The following ARL5C variants were observed in gnomAD, a reference collection of about 807,000 sequenced individuals.
ARL5C encodes the protein putative ADP-ribosylation factor-like protein 5C.
A neutral mutation model predicts 20.8 loss-of-function variants in ARL5C; 21 were observed. That is an observed-to-expected ratio of 1.01 (90% CI 0.72 to 1.46). The LOEUF is 1.46. Ranked by LOEUF, ARL5C falls within the 40% of genes most tolerant of loss-of-function variation. The probability of loss-of-function intolerance (pLI) is 0.00; values close to 1 mark genes in which losing one functional copy is unlikely to be tolerated. For synonymous variants in ARL5C, 71 were observed against 81.6 expected (o/e 0.87, Z 0.70); for missense variants, 199 against 225.1 (o/e 0.88, Z 0.74).
At position 39,166,001 on chromosome 17, in the gene ARL5C, A is replaced by G. The variant is rs1443186537; in HGVS notation, c.-241T>C. The G allele has an allele frequency of 3.6e-6, 2 of 551,190 alleles. No homozygotes were observed. The highest frequency in any genetic ancestry group is 6.5e-6 in the Non-Finnish European group (2 of 307,738). 34.1% of individuals were successfully genotyped at this position (551,190 alleles called of 1,614,324 possible). On this transcript the variant is annotated 5_prime_UTR_variant, in exon 1 of 6. Transcript: ENST00000269586. Reference sequence around the variant, plus strand: ...CCCGGGCCCAAGAGGTGCAAGGAATATGGGGGTTCCAGGCTCCAGCCCTCC... The same window carrying G: ...CCCGGGCCCAAGAGGTGCAAGGAATGTGGGGGTTCCAGGCTCCAGCCCTCC...
rs145259477 is a variant in ARL5C, at chr17:39,159,021, T to G, written c.491+1570A>C. Among the ~76,000 whole-genome samples, 787 of 114,350 alleles carry G rather than the reference T, an allele frequency of 6.9e-3. 9 individuals carry two copies. Among genetic ancestry groups the G allele is most frequent in the African/African-American group, 0.031 (752 of 23,888 alleles). The allele number at this position is 114,350 out of a possible 152,430, so 75.0% of individuals were successfully genotyped here. A position where few individuals can be genotyped will look rare whatever the true frequency, so the allele number is the denominator to read the frequency against. The stretch of plus-strand genomic sequence containing the variant: ...TTTATTCACCTTATCATTTATCACT[T>G]GTTTTTTTTTTTTTTTTTTTTTTTT... On this transcript the variant is annotated intron_variant, in intron 5 of 5. Coordinates refer to ENST00000269586, the MANE Select transcript of ARL5C (RefSeq NM_001143968.1).
chr17:39,165,433 C>G, intron 1 of ARL5C: 1 of 589,478 alleles, frequency 1.7e-6, no homozygotes, highest in Non-Finnish European at 3.0e-6. Context: ...CGCGAAGTCA[C>G]AATCGCAGGA....
Position 39,165,856 on chromosome 17 carries a change from G to C in ARL5C, c.-96C>G. Reference sequence around the variant, plus strand: ...GAGCTCCGCTCCCCCGGGAGGGTCTGGCAGATTTTGCCTACGAAGTTAGGG... The same window carrying C: ...GAGCTCCGCTCCCCCGGGAGGGTCTCGCAGATTTTGCCTACGAAGTTAGGG... On this transcript the variant is annotated 5_prime_UTR_variant, in exon 1 of 6. Transcript: ENST00000269586. 1 of 1,445,194 alleles carries C rather than the reference G, an allele frequency of 6.9e-7. No homozygotes were observed. The allele number at this position is 1,445,194 out of a possible 1,614,324, so 89.5% of individuals were successfully genotyped here.
chr17:39,163,505 G>T (rs1202243818), intron 2 of ARL5C, among the ~76,000 whole-genome samples: 1 of 150,918 alleles, frequency 6.6e-6, no homozygotes, highest in Non-Finnish European at 1.5e-5. Context: ...CAATTCTCCC[G>T]CCTCGGCCTC....
chr17:39,160,413 G>C, intron 5 of ARL5C, 178 bp downstream of exon 5: 1 of 637,834 alleles, frequency 1.6e-6, no homozygotes, highest in East Asian at 2.9e-5. Context: ...GAGCAGGGAT[G>C]CTGTCTGCTT....
rs937351493 is a variant in ARL5C, at chr17:39,166,118, C to T, written c.-358G>A. Reference sequence around the variant, plus strand: ...CTCAGCACTGCGCGCGGAACCGGATCCCAGCTCTCCCTCCTCTGAGTGCCA... The same window carrying T: ...CTCAGCACTGCGCGCGGAACCGGATTCCAGCTCTCCCTCCTCTGAGTGCCA... On this transcript the variant is annotated 5_prime_UTR_variant, in exon 1 of 6. Transcript: ENST00000269586. 4.0e-5 allele frequency: 12 copies of T among 298,550 alleles called. No individual in the cohort carries two copies. Among genetic ancestry groups the T allele is most frequent in the Non-Finnish European group, 6.5e-5 (10 of 154,396 alleles). 18.5% of individuals were successfully genotyped at this position (298,550 alleles called of 1,614,324 possible).
At chr17:39,156,979 C>G in intron 5 of ARL5C, 37 bp from the exon 6 acceptor site, 1 of 1,550,594 alleles carries the variant, frequency 6.4e-7, no homozygotes, top group Non-Finnish European at 8.7e-7. Context: ...TCAGCCTAAC[C>G]CAAGAGAATG....
At chr17:39,157,638 A>G (rs1176411505) in intron 5 of ARL5C, among the ~76,000 whole-genome samples, 3 of 151,884 alleles carry the variant, frequency 2.0e-5, no homozygotes, top group African/African-American at 7.3e-5. Flanking sequence ...AGAAATACAA[A>G]AATCAACTGG....
downstream of ARL5C, chr17:39,156,750 G>T: frequency 2.1e-6 from 2 of 966,658 alleles, no homozygotes; most frequent in Non-Finnish European, 3.1e-6. Context: ...GCAACGGGTT[G>T]GGAGAATGGT....
At chr17:39,161,172 TG>T in intron 4 of ARL5C, 95 bp downstream of exon 4, 2 of 1,208,712 alleles carry the variant, frequency 1.7e-6, no homozygotes, top group Non-Finnish European at 2.4e-6. Context: ...TCTCAGAAAC[TG>T]GGACAGCAGG....
Position 39,156,917 on chromosome 17 carries a change from C to T in ARL5C, c.517G>A (p.Glu173Lys). Residue 173 changes from glutamate to lysine, a missense_variant, in exon 6 of 6, where the codon GAA (glutamate) becomes AAA (lysine). Physicochemically the swap from Glu to Lys is moderately conservative, Grantham distance 56. Coordinates refer to ENST00000269586, the MANE Select transcript of ARL5C (RefSeq NM_001143968.1). ...EGLPARLQWM[E>K]SQAAAN The stretch of plus-strand genomic sequence containing the variant: ...CATCAGTTAGCAGCGGCCTGAGATT[C>T]CATCCACTGAAGTCTGGCAGGCAGC... 1.3e-6 allele frequency: 2 copies of T among 1,551,870 alleles called. No individual in the cohort carries two copies. The highest frequency in any genetic ancestry group is 1.7e-6 in the Non-Finnish European group (2 of 1,146,982).
intron 2 of ARL5C, among the ~76,000 whole-genome samples, chr17:39,163,392 T>TTCTTTCTTTCTTTCTTTCTTTCTC (rs1555576164): frequency 3.6e-5 from 5 of 139,904 alleles, no homozygotes; most frequent in Non-Finnish European, 7.4e-5. Context: ...CTTTCTTTCT[T>TTCTTTCTTTCTTTCTTTCTTTCTC]TCTCTCTTTC....
chr17:39,161,788 A>G (rs2045436648), intron 3 of ARL5C, among the ~76,000 whole-genome samples: 1 of 152,132 alleles, frequency 6.6e-6, no homozygotes, highest in Non-Finnish European at 1.5e-5. Flanking sequence ...TGCTGGGATT[A>G]CCACCAGGTG....
downstream of ARL5C, chr17:39,156,823 A>T: frequency 6.6e-7 from 1 of 1,517,388 alleles, no homozygotes; most frequent in East Asian, 2.5e-5. Flanking sequence ...AGTAATAAAT[A>T]GCCACTTGAT....
chr17:39,157,567 A>G (rs906903836), intron 5 of ARL5C, among the ~76,000 whole-genome samples: 14 of 151,956 alleles, frequency 9.2e-5, no homozygotes, highest in Non-Finnish European at 1.8e-4. Context: ...AGGCGGGTGG[A>G]TCACCTGAGG....
chr17:39,164,995 G>A, intron 2 of ARL5C, 84 bp downstream of exon 2: 2 of 1,415,034 alleles, frequency 1.4e-6, no homozygotes, highest in South Asian at 1.2e-5. Context: ...GGAACCCAGG[G>A]AAGAGCTCCA....
At chr17:39,161,807 C>A (rs987665684) in intron 3 of ARL5C, among the ~76,000 whole-genome samples, 1 of 152,206 alleles carries the variant, frequency 6.6e-6, no homozygotes, top group Non-Finnish European at 1.5e-5. Context: ...TGTGCTGCCA[C>A]ACCTGGCCTG....
chr17:39,163,345 C>CCTTCCTTTCTTT (rs1555576104), intron 2 of ARL5C, among the ~76,000 whole-genome samples: 64 of 136,864 alleles, frequency 4.7e-4, no homozygotes, highest in South Asian at 3.6e-3. Flanking sequence ...CAGGCTTTTG[C>CCTTCCTTTCTTT]CTTTCTTTCT....
At chr17:39,158,375 G>A (rs1328101129) in intron 5 of ARL5C, among the ~76,000 whole-genome samples, 3 of 152,146 alleles carry the variant, frequency 2.0e-5, no homozygotes. Flanking sequence ...CACTTGGGGA[G>A]GCCAAGGCAG....
Sources: allele counts gnomAD v4.1 joint callset (sites outside exome capture counted in the v4.1 genomes callset), GRCh38; gene constraint gnomAD v4.1.1; transcripts MANE v1.5; gene names NCBI Gene and HGNC (gene_info 2026-07-23, HGNC 2026-07-21).